MNS1: variants seen among roughly 807,000 people sequenced by gnomAD.
MNS1 encodes the protein meiosis specific nuclear structural 1.
MNS1 carries 63 observed loss-of-function variants against 72.0 expected under a neutral mutation model. That is an observed-to-expected ratio of 0.87 (90% CI 0.71 to 1.08). The LOEUF is 1.08. Ranked by LOEUF, MNS1 falls within the 50% of genes least tolerant of loss-of-function variation. MNS1 has a pLI of 0.00. For missense variants in MNS1, 604 were observed against 562.4 expected (o/e 1.07, Z -0.75); for synonymous variants, 188 against 172.1 (o/e 1.09, Z -0.72).
At chr15:56,452,109 T>G (rs2050951422) in intron 3 of MNS1, among the ~76,000 whole-genome samples, 1 of 152,210 alleles carries the variant, frequency 6.6e-6, no homozygotes, top group Admixed American at 6.5e-5. Context: ...CTCTCTTCTC[T>G]CCTGTTTGCT....
intron 3 of MNS1, among the ~76,000 whole-genome samples, 169 bp downstream of exon 3, chr15:56,456,222 ACTT>A (rs1164365136): frequency 6.6e-6 from 1 of 152,136 alleles, no homozygotes; most frequent in Non-Finnish European, 1.5e-5. Context: ...CATGAATACA[ACTT>A]CTTTTCTCAA....
At chr15:56,431,522 T>G in intron 8 of MNS1, 24 bp from the exon 9 acceptor site, 1 of 1,612,848 alleles carries the variant, frequency 6.2e-7, no homozygotes, top group Admixed American at 1.7e-5. Context: ...TCAAATTTTG[T>G]TATCACAAAG....
intron 3 of MNS1, 88 bp downstream of exon 3, chr15:56,456,306 C>A: frequency 8.0e-7 from 1 of 1,243,320 alleles, no homozygotes. Context: ...ATGACATAAA[C>A]AAAGAAATTT....
chr15:56,465,104 G>C lies in MNS1; in HGVS notation c.-132C>G, dbSNP rs768807468. 1.7e-5 allele frequency: 21 copies of C among 1,244,510 alleles called. No homozygotes were observed. The highest frequency in any genetic ancestry group is 2.3e-5 in the Non-Finnish European group (20 of 887,732). The allele number at this position is 1,244,510 out of a possible 1,614,324, so 77.1% of individuals were successfully genotyped here. ...GGTGTTTACGCGGCGTCTTGGCAAC[G>C]GTGGAGCTGCGCGCCCTCCGCTCGA... On this transcript the variant is annotated 5_prime_UTR_variant, in exon 1 of 10. Transcript: ENST00000260453.
At chr15:56,443,610 A>G (rs1271701848) in intron 6 of MNS1, 28 bp downstream of exon 6, 2 of 1,593,844 alleles carry the variant, frequency 1.3e-6, no homozygotes, top group South Asian at 1.2e-5. Flanking sequence ...GAATTTTACT[A>G]GTGTTAAAGA....
intron 2 of MNS1, among the ~76,000 whole-genome samples, chr15:56,460,009 A>AAAAAATATATATATAT: frequency 1.1e-4 from 3 of 26,384 alleles, no homozygotes; most frequent in African/African-American, 1.5e-4. Context: ...AAAAAAAAAA[A>AAAAAATATATATATAT]ATACATATAT....
At chr15:56,451,896 C>A (rs529873061) in intron 3 of MNS1, among the ~76,000 whole-genome samples, 1 of 152,174 alleles carries the variant, frequency 6.6e-6, no homozygotes, top group South Asian at 2.1e-4. Flanking sequence ...TTATTACTTA[C>A]GTCTAGTTTA....
chr15:56,448,751 CTTTTTTTTTT>C (rs34366643), intron 3 of MNS1, among the ~76,000 whole-genome samples: 28 of 117,678 alleles, frequency 2.4e-4, no homozygotes, highest in African/African-American at 8.5e-4. Context: ...TTTTTAGATT[CTTTTTTTTTT>C]TTTTTTTTTG....
At chr15:56,439,827 C>T (rs2140347069) in intron 7 of MNS1, among the ~76,000 whole-genome samples, 1 of 149,272 alleles carries the variant, frequency 6.7e-6, no homozygotes, top group East Asian at 2.0e-4. Context: ...AGAAATTCTT[C>T]AATAACTAGG....
chr15:56,464,183 C>T lies in MNS1; in HGVS notation c.68G>A (p.Cys23Tyr), dbSNP rs371925363. 8.2e-5 allele frequency: 132 copies of T among 1,613,742 alleles called. No homozygotes were observed. Among genetic ancestry groups the T allele is most frequent in the Non-Finnish European group, 1.1e-4 (127 of 1,179,978 alleles). The change falls in exon 2 of 10, where the codon TGC becomes TAC. Residue 23 changes from cysteine (C) to tyrosine (Y), a missense_variant. Cys to Tyr is a radical substitution (Grantham distance 194, BLOSUM62 -2). Transcript: ENST00000260453. ...RHQKLVDENY[C>Y]KKLHVQALKN... is the part of the protein sequence containing the mutation. The stretch of plus-strand genomic sequence containing the variant: ...TAGAGCTTGGACATGTAATTTTTTG[C>T]AGTAGTTTTCATCTACTAATTTCTG...
At chr15:56,445,985 C>T (rs2050899006) in intron 4 of MNS1, 1 of 152,050 alleles carries the variant, frequency 6.6e-6, no homozygotes, top group African/African-American at 2.4e-5. Flanking sequence ...AAAGGTATTC[C>T]TGTTAACAGC....
At chr15:56,448,383 C>T (rs531304069) in intron 3 of MNS1, among the ~76,000 whole-genome samples, 1 of 152,070 alleles carries the variant, frequency 6.6e-6, no homozygotes, top group Non-Finnish European at 1.5e-5. Context: ...GTTTTTTAAC[C>T]CACTCCTCCT....
At chr15:56,446,203 A>T (rs1400723150) in intron 4 of MNS1, among the ~76,000 whole-genome samples, 2 of 152,070 alleles carry the variant, frequency 1.3e-5, no homozygotes, top group East Asian at 3.9e-4. Context: ...GTGTATATAA[A>T]CATTCATATA....
intron 3 of MNS1, among the ~76,000 whole-genome samples, chr15:56,451,321 T>TG (rs1234279014): frequency 6.6e-6 from 1 of 152,228 alleles, no homozygotes; most frequent in African/African-American, 2.4e-5. Flanking sequence ...AAGGGCTACC[T>TG]GCCTCTGAGC....
intron 3 of MNS1, among the ~76,000 whole-genome samples, chr15:56,447,849 C>G (rs985866403): frequency 2.0e-5 from 3 of 152,146 alleles, no homozygotes; most frequent in African/African-American, 7.2e-5. Context: ...AGCTAATTTG[C>G]TGTCACCTTA....
chr15:56,433,051 A>G (rs568255292), intron 8 of MNS1, among the ~76,000 whole-genome samples: 1 of 152,294 alleles, frequency 6.6e-6, no homozygotes, highest in East Asian at 1.9e-4. Flanking sequence ...TTCCCTCTCC[A>G]ACACTTAAAT....
At position 56,435,434 on chromosome 15, in the gene MNS1, G is replaced by GA. The variant is rs368967008; in HGVS notation, c.1012-1040dup. ...ACAGACCTTTAACAAGGCTGACCTA[G>GA]AAAAAAAAAATGAATGAATAAACAA... On this transcript the variant is annotated intron_variant, in intron 7 of 9. Coordinates refer to ENST00000260453, the MANE Select transcript of MNS1 (RefSeq NM_018365.4). Among the ~76,000 whole-genome samples, 542 of 146,632 alleles carry GA rather than the reference G, an allele frequency of 3.7e-3. 1 individual carries two copies. Among genetic ancestry groups the GA allele is most frequent in the African/African-American group, 0.013 (503 of 39,990 alleles).
intron 3 of MNS1, among the ~76,000 whole-genome samples, chr15:56,454,768 T>C (rs1319818190): frequency 1.3e-5 from 2 of 152,168 alleles, no homozygotes; most frequent in African/African-American, 4.8e-5. Flanking sequence ...CTTTGTACCA[T>C]AGCCCGTATC....
At chr15:56,437,594 T>G (rs1222516840) in intron 7 of MNS1, among the ~76,000 whole-genome samples, 2 of 152,110 alleles carry the variant, frequency 1.3e-5, no homozygotes, top group Non-Finnish European at 1.5e-5. Flanking sequence ...CTATTCAACA[T>G]AGTGTTGGAA....
Sources: allele counts gnomAD v4.1 joint callset (sites outside exome capture counted in the v4.1 genomes callset), GRCh38; gene constraint gnomAD v4.1.1; transcripts MANE v1.5; gene names NCBI Gene and HGNC (gene_info 2026-07-23, HGNC 2026-07-21).